The following HTR3E variants were observed in gnomAD, a reference collection of about 807,000 sequenced individuals.
The protein encoded by HTR3E is 5-hydroxytryptamine receptor 3E.
HTR3E carries 38 observed loss-of-function variants against 38.0 expected under a neutral mutation model. The observed-to-expected ratio is 1.00, with a 90% CI of 0.77 to 1.31. The LOEUF (loss-of-function observed/expected upper bound fraction) is 1.31, where lower values mean the gene tolerates loss of function less well. Among genes scored for constraint, HTR3E ranks in the 50% most tolerant of loss-of-function variants. The probability of loss-of-function intolerance (pLI) is 0.00; values close to 1 mark genes in which losing one functional copy is unlikely to be tolerated. For missense variants in HTR3E, 547 were observed against 585.2 expected, an observed-to-expected ratio of 0.93 and a Z score of 0.67; for synonymous variants, 210 against 232.9, an observed-to-expected ratio of 0.90 and a Z score of 0.89.
chr3:184,104,118 A>C, intron 3 of HTR3E, 64 bp from the exon 4 acceptor site: 1 of 1,145,612 alleles, frequency 8.7e-7, no homozygotes, highest in Non-Finnish European at 1.2e-6. Flanking sequence ...GTATTTCATA[A>C]CTTTTTTTTT....
At chr3:184,098,310 A>G (rs940169741) in intron 1 of HTR3E, among the ~76,000 whole-genome samples, 1 of 152,188 alleles carries the variant, frequency 6.6e-6, no homozygotes, top group East Asian at 1.9e-4. Flanking sequence ...CATCTGTAAA[A>G]CAGAACCTAC....
rs549665146 is a variant in HTR3E at position 184,101,388 on chromosome 3, A to G, written c.235-97A>G. The G allele has an allele frequency of 1.8e-5, 18 of 993,842 alleles. No homozygotes were observed. The South Asian group carries it at 2.2e-4, about 12-fold the overall frequency. 61.6% of individuals were successfully genotyped at this position (993,842 alleles called of 1,614,324 possible). ...TTGTTCTGGATCACATATCCCCTTT[A>G]TATACCTTGGGAGTTGGTAAACAAG... On this transcript the variant is annotated intron_variant, in intron 2 of 8. Coordinates refer to ENST00000415389, the MANE Select transcript of HTR3E (RefSeq NM_001256613.2).
intron 1 of HTR3E, among the ~76,000 whole-genome samples, chr3:184,099,632 T>G (rs1368874957): frequency 7.1e-6 from 1 of 141,366 alleles, no homozygotes; most frequent in East Asian, 2.1e-4. Context: ...GAGAATGGCG[T>G]GAACCCGGGA....
intron 3 of HTR3E, among the ~76,000 whole-genome samples, chr3:184,101,912 C>G (rs1004548084): frequency 2.6e-5 from 4 of 152,230 alleles, no homozygotes; most frequent in African/African-American, 9.6e-5. Flanking sequence ...ATCACTTGAA[C>G]CTGGGAAGCA....
chr3:184,102,856 CAG>C (rs1712141027), intron 3 of HTR3E, among the ~76,000 whole-genome samples: 1 of 148,930 alleles, frequency 6.7e-6, no homozygotes, highest in Non-Finnish European at 1.5e-5. Context: ...GCCAGGGAGA[CAG>C]AGGTTGCAGT....
chr3:184,097,314 T>A lies in HTR3E; in HGVS notation c.-216T>A. On this transcript the variant is annotated 5_prime_UTR_variant, in exon 1 of 9. Transcript: ENST00000415389. ...TATAACCATTTACGTTGCAGTGAAA[T>A]ACCTAAGACTAAGATAAAGTCTTAA... 3.8e-6 allele frequency: 2 copies of A among 526,378 alleles called. No homozygotes were observed. The highest frequency in any genetic ancestry group is 6.8e-6 in the Non-Finnish European group (2 of 294,112). The allele number at this position is 526,378 out of a possible 1,614,324, so 32.6% of individuals were successfully genotyped here.
At chr3:184,102,732 C>T (rs1399709326) in intron 3 of HTR3E, among the ~76,000 whole-genome samples, 1 of 151,754 alleles carries the variant, frequency 6.6e-6, no homozygotes, top group East Asian at 1.9e-4. Flanking sequence ...CAAGACCACC[C>T]TGGGCAACAT....
At chr3:184,097,680 C>A in intron 1 of HTR3E, 84 bp downstream of exon 1, 1 of 990,866 alleles carries the variant, frequency 1.0e-6, no homozygotes, top group Non-Finnish European at 1.5e-6. Context: ...TTCAAATTTC[C>A]AACTCCTAGA....
intron 5 of HTR3E, 150 bp from the exon 6 acceptor site, chr3:184,105,117 G>A (rs1451732251): frequency 4.3e-6 from 5 of 1,159,780 alleles, no homozygotes; most frequent in Middle Eastern, 2.3e-4. Context: ...AGTCTGTCTT[G>A]TTCCTTACCA....
chr3:184,097,477 C>A lies in HTR3E; in HGVS notation c.-53C>A. 7.4e-7 allele frequency: 1 copy of A among 1,349,628 alleles called. No homozygotes were observed. Among genetic ancestry groups the A allele is most frequent in the Non-Finnish European group, 1.0e-6 (1 of 977,638 alleles). The allele number at this position is 1,349,628 out of a possible 1,614,324, so 83.6% of individuals were successfully genotyped here. A position where few individuals can be genotyped will look rare whatever the true frequency, so the allele number is the denominator to read the frequency against. On this transcript the variant is annotated 5_prime_UTR_variant, in exon 1 of 9. It adds an upstream start codon to the 5' untranslated region. Transcript: ENST00000415389. ...TAGGTGTGGCCTGTGCTGCTTTAAT[C>A]TGGGCATTCCTGGGTCCCAGTACAT...
chr3:184,100,746 T>C, intron 2 of HTR3E, 95 bp downstream of exon 2: 15 of 1,515,434 alleles, frequency 9.9e-6, no homozygotes, highest in South Asian at 1.3e-5. Flanking sequence ...ACATTTCTGC[T>C]TCCTCCACCA....
intron 3 of HTR3E, 142 bp from the exon 4 acceptor site, chr3:184,104,040 C>T: frequency 6.1e-6 from 3 of 489,466 alleles, no homozygotes; most frequent in South Asian, 5.6e-5. Context: ...ATATTAATGC[C>T]ACAAAGTTGG....
At chr3:184,097,720 T>C (rs991334172) in intron 1 of HTR3E, 124 bp downstream of exon 1, 19 of 682,020 alleles carry the variant, frequency 2.8e-5, no homozygotes, top group Non-Finnish European at 3.7e-5. Flanking sequence ...AGTTCTTTCA[T>C]AGCTACATTA....
chr3:184,100,757 C>A, intron 2 of HTR3E, 106 bp downstream of exon 2: 1 of 1,478,584 alleles, frequency 6.8e-7, no homozygotes, highest in Non-Finnish European at 9.1e-7. Context: ...TCCTCCACCA[C>A]TGCTGGATGG....
In HTR3E at chr3:184,106,700, G is replaced by A; in HGVS notation, c.*7G>A. On this transcript the variant is annotated 3_prime_UTR_variant, in exon 9 of 9. Coordinates refer to ENST00000415389, the MANE Select transcript of HTR3E (RefSeq NM_001256613.2). This position sits in a 1 kb window ranked among gnomAD's most constrained non-coding sequence, Gnocchi z 4.1. ...ATGCCTCTGGAACACCTAGGCAGGT[G>A]CTCACCTGCCAACTTCAGTCTGGAG... 1 of 1,613,552 alleles carries A rather than the reference G, an allele frequency of 6.2e-7. No homozygotes were observed. Among genetic ancestry groups the A allele is most frequent in the South Asian group, 1.1e-5 (1 of 90,970 alleles).
intron 1 of HTR3E, among the ~76,000 whole-genome samples, chr3:184,099,229 T>C (rs946967347): frequency 4.0e-5 from 6 of 151,592 alleles, no homozygotes; most frequent in East Asian, 3.9e-4. Context: ...TCCCCGTCTC[T>C]ACAAAAATTT....
At chr3:184,104,061 C>A in intron 3 of HTR3E, 121 bp from the exon 4 acceptor site, 12 of 569,238 alleles carry the variant, frequency 2.1e-5, no homozygotes, top group Admixed American at 3.9e-5. Flanking sequence ...GTTGTAAATA[C>A]ATAGATGTTT....
In HTR3E at chr3:184,097,494, C is replaced by T; in HGVS notation, c.-36C>T. 6.7e-7 allele frequency: 1 copy of T among 1,487,940 alleles called. No individual in the cohort carries two copies. The allele number at this position is 1,487,940 out of a possible 1,614,324, so 92.2% of individuals were successfully genotyped here. A position where few individuals can be genotyped will look rare whatever the true frequency, so the allele number is the denominator to read the frequency against. On this transcript the variant is annotated 5_prime_UTR_variant, in exon 1 of 9. Coordinates refer to ENST00000415389, the MANE Select transcript of HTR3E (RefSeq NM_001256613.2). ...GCTTTAATCTGGGCATTCCTGGGTC[C>T]CAGTACATGTTCAGAGAAGAACTTA... is the stretch of plus-strand genomic sequence containing the variant.
In HTR3E at chr3:184,104,341, A is replaced by G. The variant is rs368262066; in HGVS notation, c.389+50A>G. 3.8e-6 allele frequency: 6 copies of G among 1,567,092 alleles called. No individual in the cohort carries two copies. The African/African-American group carries it at 8.2e-5, about 21-fold the overall frequency. Reference sequence around the variant, plus strand: ...GGAAGTCCCATCTCCTGGTAGCCACAGAGATCACAGTTTACCATTGGGGCC... The same window carrying G: ...GGAAGTCCCATCTCCTGGTAGCCACGGAGATCACAGTTTACCATTGGGGCC... On this transcript the variant is annotated intron_variant, in intron 4 of 8. Transcript: ENST00000415389.
Sources: gnomAD v4.1 joint callset for allele counts (sites outside exome capture counted in the v4.1 genomes callset) on GRCh38, gnomAD v4.1.1 for gene constraint, Gnocchi (gnomAD v3.1) non-coding constraint, MANE v1.5 for transcripts, NCBI Gene and HGNC (gene_info 2026-07-23, HGNC 2026-07-21) for gene names.